SHOC2: variants seen among roughly 807,000 people sequenced by gnomAD.
SHOC2 encodes the protein SHOC2 leucine rich repeat scaffold protein, also known as leucine-rich repeat protein SHOC-2.
SHOC2 carries 4 observed loss-of-function variants against 50.2 expected under a neutral mutation model. The observed-to-expected ratio is 0.08, with a 90% confidence interval of 0.04 to 0.18. The LOEUF (loss-of-function observed/expected upper bound fraction) is 0.18, where lower values mean the gene tolerates loss of function less well. SHOC2 is among the 10% of genes least tolerant of loss of function. SHOC2 has a pLI of 1.00. For missense variants in SHOC2, 388 were observed against 669.6 expected (o/e 0.58, Z 4.64); for synonymous variants, 218 against 244.5 (o/e 0.89, Z 1.01).
intron 1 of SHOC2, among the ~76,000 whole-genome samples, chr10:110,959,794 C>G (rs879490611): frequency 6.6e-6 from 1 of 152,196 alleles, no homozygotes; most frequent in Non-Finnish European, 1.5e-5. Context: ...ATTATTACTG[C>G]TTTTTAAATT....
At chr10:110,946,785 T>G (rs137957965) in intron 1 of SHOC2, among the ~76,000 whole-genome samples, 1 of 151,878 alleles carries the variant, frequency 6.6e-6, no homozygotes, top group East Asian at 1.9e-4. Flanking sequence ...TCATGTGGAG[T>G]CTTGGAGGTT....
chr10:110,924,710 C>G (rs1478899443), intron 1 of SHOC2, among the ~76,000 whole-genome samples: 1 of 152,016 alleles, frequency 6.6e-6, no homozygotes, highest in African/African-American at 2.4e-5. Context: ...TAATTAAATA[C>G]AAGGAGAATA....
chr10:111,004,352 A>C (rs1349735952), intron 4 of SHOC2, among the ~76,000 whole-genome samples: 1 of 152,200 alleles, frequency 6.6e-6, no homozygotes, highest in Non-Finnish European at 1.5e-5. Flanking sequence ...CAAAGAATAA[A>C]AATTGGGAAA....
At chr10:110,945,276 G>A in intron 1 of SHOC2, among the ~76,000 whole-genome samples, 1 of 152,182 alleles carries the variant, frequency 6.6e-6, no homozygotes, top group East Asian at 1.9e-4. Flanking sequence ...CTGGAAACAA[G>A]ACTGCTCAAG....
chr10:110,919,898 G>T, intron 1 of SHOC2: 1 of 331,216 alleles, frequency 3.0e-6, no homozygotes, highest in Non-Finnish European at 5.5e-6. Flanking sequence ...TCGCGTGGGA[G>T]CCTGCAGCCC....
chr10:110,919,584 T>C, upstream of SHOC2: 2 of 385,886 alleles, frequency 5.2e-6, no homozygotes, highest in East Asian at 7.3e-5. Flanking sequence ...TTGGGCAGCG[T>C]CGCTTCTTAG....
rs193126887 is a variant in SHOC2 at position 111,012,616 on chromosome 10, G to C, written c.*798G>C. The C allele has an allele frequency of 2.0e-4, 30 of 152,176 alleles. No individual in the cohort carries two copies. Among genetic ancestry groups the C allele is most frequent in the African/African-American group, 7.0e-4 (29 of 41,538 alleles). The allele number at this position is 152,176 out of a possible 1,614,324, so 9.4% of individuals were successfully genotyped here. ...GGGGAAGAGAAACTTGCAGTGAAAA[G>C]GAGTTTTTTCATTCCTGAAAGTTGC... On this transcript the variant is annotated 3_prime_UTR_variant, in exon 9 of 9. Transcript: ENST00000369452.
intron 1 of SHOC2, among the ~76,000 whole-genome samples, chr10:110,940,911 T>C (rs7900192): frequency 6.7e-5 from 1 of 14,940 alleles, no homozygotes; most frequent in Admixed American, 9.2e-4. Flanking sequence ...TTGTGGTGGG[T>C]TTTTTTTTTT....
Position 111,012,187 on chromosome 10 carries a change from A to G in SHOC2, c.*369A>G, listed in dbSNP as rs1848578713. On this transcript the variant is annotated 3_prime_UTR_variant, in exon 9 of 9. Transcript: ENST00000369452. ...AAAAATTTTTGTTGCAACTTTTCAT[A>G]TATATTTTCCCCTTACCAATTGTTT... is the stretch of plus-strand genomic sequence containing the variant. 1 of 228,112 alleles carries G rather than the reference A, an allele frequency of 4.4e-6. No homozygotes were observed. The highest frequency in any genetic ancestry group is 6.1e-5 in the South Asian group (1 of 16,364). The allele number at this position is 228,112 out of a possible 1,614,324, so 14.1% of individuals were successfully genotyped here.
chr10:110,935,482 C>T (rs1334079267), intron 1 of SHOC2, among the ~76,000 whole-genome samples: 1 of 152,156 alleles, frequency 6.6e-6, no homozygotes, highest in East Asian at 1.9e-4. Flanking sequence ...CCATATACTG[C>T]TGTTATAGAT....
chr10:110,993,392 T>C (rs1303080828), intron 3 of SHOC2, among the ~76,000 whole-genome samples: 1 of 152,330 alleles, frequency 6.6e-6, no homozygotes, highest in East Asian at 1.9e-4. Context: ...ATCCTTAATT[T>C]TTTTAACCTT....
chr10:110,935,725 G>A (rs1163186408), intron 1 of SHOC2, among the ~76,000 whole-genome samples: 1 of 152,044 alleles, frequency 6.6e-6, no homozygotes, highest in African/African-American at 2.4e-5. Context: ...AATGGACTAA[G>A]AGATAAGTCA....
rs781434461 is a variant in SHOC2 at position 110,964,471 on chromosome 10, G to A, written c.113G>A (p.Ser38Asn). 1 of 1,613,914 alleles carries A rather than the reference G, an allele frequency of 6.2e-7. No individual in the cohort carries two copies. Among genetic ancestry groups the A allele is most frequent in the Non-Finnish European group, 8.5e-7 (1 of 1,179,922 alleles). ...GCCTCTGGAGGTTTTGGGAAAGAGAGCAAAGAAAAAGAACCTAAGACCAAA... is the reference window on the plus strand; with the variant it reads ...GCCTCTGGAGGTTTTGGGAAAGAGAACAAAGAAAAAGAACCTAAGACCAAA... ...AKASGGFGKE[S>N]KEKEPKTKGK... is the part of the protein sequence containing the mutation. Residue 38 changes from serine to asparagine, a missense_variant, in exon 2 of 9, where the codon AGC becomes AAC. Ser to Asn is a conservative substitution (Grantham distance 46). Transcript: ENST00000369452. The surrounding 1 kb of genome is among the most constrained non-coding windows in gnomAD (Gnocchi z 4.9).
At chr10:110,989,427 C>T (rs1231708563) in intron 3 of SHOC2, among the ~76,000 whole-genome samples, 3 of 152,178 alleles carry the variant, frequency 2.0e-5, no homozygotes, top group Non-Finnish European at 4.4e-5. Context: ...TAGTCATTTG[C>T]TCAAAAATGG....
chr10:110,937,299 T>G, intron 1 of SHOC2: 2 of 708,770 alleles, frequency 2.8e-6, no homozygotes, highest in Non-Finnish European at 5.1e-6. Context: ...TGTGTTTCAG[T>G]GATGCCAAAT....
At chr10:110,921,366 T>C (rs190914182) in intron 1 of SHOC2, among the ~76,000 whole-genome samples, 1 of 152,220 alleles carries the variant, frequency 6.6e-6, no homozygotes, top group Admixed American at 6.5e-5. Flanking sequence ...ATTTGAAAAA[T>C]AGACAAAAAT....
Position 110,964,626 on chromosome 10 carries a change from G to A in SHOC2, c.268G>A (p.Val90Met). Reference sequence around the variant, plus strand: ...TAGAAAAAAATCCAGCAATGCAGAGGTGATTAAAGAGCTCAACAAATGCCG... The same window carrying A: ...TAGAAAAAAATCCAGCAATGCAGAGATGATTAAAGAGCTCAACAAATGCCG... The part of the protein sequence containing the change: ...GTRKKSSNAE[V>M]IKELNKCREE... The change falls in exon 2 of 9, where the codon GTG becomes ATG. Residue 90 changes from valine to methionine, a missense_variant. This residue lies in a region of SHOC2 where 121 missense variants were observed against 145.5 expected (regional missense o/e 0.83). Coordinates refer to ENST00000369452, the MANE Select transcript of SHOC2 (RefSeq NM_007373.4). The surrounding 1 kb of genome is among the most constrained non-coding windows in gnomAD (Gnocchi z 4.9). 6.2e-7 allele frequency: 1 copy of A among 1,614,090 alleles called. No homozygotes were observed. Among genetic ancestry groups the A allele is most frequent in the Non-Finnish European group, 8.5e-7 (1 of 1,179,984 alleles).
At chr10:110,975,942 C>G (rs1847870822) in intron 2 of SHOC2, among the ~76,000 whole-genome samples, 1 of 151,380 alleles carries the variant, frequency 6.6e-6, no homozygotes, top group Admixed American at 6.6e-5. Flanking sequence ...TGGAGTTTTG[C>G]TCTTGTTGCC....
rs1340609894 is a variant in SHOC2, at chr10:110,985,614, T to C, written c.704-14T>C. On this transcript the variant is annotated splice_polypyrimidine_tract_variant and intron_variant, in intron 2 of 8. Transcript: ENST00000369452. Reference sequence around the variant, plus strand: ...AATAATGCTTATTGAATTTTTATGTTGGTCAATTTACAGGTGAATTATGTA... The same window carrying C: ...AATAATGCTTATTGAATTTTTATGTCGGTCAATTTACAGGTGAATTATGTA... 6.3e-7 allele frequency: 1 copy of C among 1,597,422 alleles called. No individual in the cohort carries two copies. The highest frequency in any genetic ancestry group is 8.6e-7 in the Non-Finnish European group (1 of 1,165,974).
Sources: gnomAD v4.1 joint callset for allele counts (sites outside exome capture counted in the v4.1 genomes callset) on GRCh38, gnomAD v4.1.1 for gene constraint, gnomAD v4.1.1 regional missense constraint, Gnocchi (gnomAD v3.1) non-coding constraint, MANE v1.5 for transcripts, NCBI Gene and HGNC (gene_info 2026-07-23, HGNC 2026-07-21) for gene names.